ADISSP: variants seen among roughly 807,000 people sequenced by gnomAD.
ADISSP encodes the protein adipose secreted signaling protein, also known as adipose-secreted signaling protein.
chr20:3,767,860 A>G, the ADISSP span: 1 of 152,194 alleles, frequency 6.6e-6, no homozygotes, highest in East Asian at 1.9e-4. Context: ...GCGGGCTCCA[A>G]AGAACGGCCA....
chr20:3,758,897 G>A, the ADISSP span, among the ~76,000 whole-genome samples: 28 of 152,180 alleles, frequency 1.8e-4, no homozygotes, highest in East Asian at 3.9e-4. The surrounding 1 kb of genome is among the most constrained non-coding windows in gnomAD (Gnocchi z 5.5). Flanking sequence ...GAGAGTGAGC[G>A]TGGGGGGACT....
chr20:3,761,724 T>G, the ADISSP span, among the ~76,000 whole-genome samples: 1 of 152,214 alleles, frequency 6.6e-6, no homozygotes, highest in Non-Finnish European at 1.5e-5. Context: ...CTCTCTACTC[T>G]CTGCAGGACA....
the ADISSP span, among the ~76,000 whole-genome samples, chr20:3,762,611 C>T: frequency 1.1e-4 from 17 of 152,230 alleles, no homozygotes; most frequent in Non-Finnish European, 1.8e-4. Flanking sequence ...CTCAGCCTCC[C>T]AAAGTGCTGG....
chr20:3,762,530 C>T, the ADISSP span, among the ~76,000 whole-genome samples: 42 of 152,242 alleles, frequency 2.8e-4, no homozygotes, highest in Middle Eastern at 6.8e-3. Flanking sequence ...ACCACCATGC[C>T]CGGCTAATTT....
At chr20:3,755,208 C>G in the ADISSP span, among the ~76,000 whole-genome samples, 1 of 152,194 alleles carries the variant, frequency 6.6e-6, no homozygotes, top group African/African-American at 2.4e-5. Flanking sequence ...TCCTCAGCAG[C>G]TCCCATCTTG....
chr20:3,762,337 AACT>A, the ADISSP span, among the ~76,000 whole-genome samples: 1 of 152,152 alleles, frequency 6.6e-6, no homozygotes, highest in South Asian at 2.1e-4. Context: ...GAAAGCAGCA[AACT>A]ACAGCTGATT....
At chr20:3,762,703 C>T in the ADISSP span, among the ~76,000 whole-genome samples, 1 of 152,198 alleles carries the variant, frequency 6.6e-6, no homozygotes, top group Non-Finnish European at 1.5e-5. Flanking sequence ...ACTTCATTCA[C>T]TTACATGTTG....
chr20:3,754,267 T>C, the ADISSP span: 1 of 1,473,360 alleles, frequency 6.8e-7, no homozygotes, highest in Non-Finnish European at 9.4e-7. Flanking sequence ...GGTAGGGACC[T>C]GCCAAGGAGG....
the ADISSP span, chr20:3,754,431 G>C: frequency 6.2e-7 from 1 of 1,613,942 alleles, no homozygotes; most frequent in African/African-American, 1.3e-5. Context: ...CGCGCACACA[G>C]GTGCCAGTGC....
At chr20:3,755,658 C>T in the ADISSP span, 1 of 1,532,356 alleles carries the variant, frequency 6.5e-7, no homozygotes, top group East Asian at 2.3e-5. Context: ...CTGCTTCCCG[C>T]AGGCCCACCC....
chr20:3,768,045 C>G, the ADISSP span: 12 of 152,580 alleles, frequency 7.9e-5, no homozygotes, highest in Non-Finnish European at 1.5e-4. Context: ...CCCGCCCCCG[C>G]TCCTTCTTCC....
the ADISSP span, among the ~76,000 whole-genome samples, chr20:3,766,506 C>T: frequency 1.3e-5 from 2 of 152,226 alleles, no homozygotes; most frequent in African/African-American, 2.4e-5. Flanking sequence ...CTTCCTGCCT[C>T]CCCAACAAGT....
At chr20:3,754,527 G>A in the ADISSP span, 5 of 1,610,272 alleles carry the variant, frequency 3.1e-6, no homozygotes, top group African/African-American at 2.7e-5. Context: ...AACCTGCCCG[G>A]GGACAGGGGC....
chr20:3,757,699 G>A, the ADISSP span, among the ~76,000 whole-genome samples: 1 of 152,132 alleles, frequency 6.6e-6, no homozygotes, highest in African/African-American at 2.4e-5. Context: ...CACAATCTCA[G>A]CTCACTGCAA....
chr20:3,759,734 C>T, the ADISSP span, among the ~76,000 whole-genome samples: 2 of 152,128 alleles, frequency 1.3e-5, no homozygotes, highest in Non-Finnish European at 2.9e-5. The surrounding 1 kb of genome is among the most constrained non-coding windows in gnomAD (Gnocchi z 4.6). Flanking sequence ...CTCCCTTCCA[C>T]AGCCTGCTGT....
the ADISSP span, chr20:3,760,087 T>A: frequency 4.3e-6 from 7 of 1,612,678 alleles, no homozygotes; most frequent in Non-Finnish European, 5.9e-6. Context: ...CTTACCCTTG[T>A]TGGCTGCAGC....
At chr20:3,758,476 C>T in the ADISSP span, 1 of 1,554,188 alleles carries the variant, frequency 6.4e-7, no homozygotes, top group South Asian at 1.1e-5. This position sits in a 1 kb window ranked among gnomAD's most constrained non-coding sequence, Gnocchi z 5.5. Flanking sequence ...GATAGGCACC[C>T]AGAAGCCAGG....
chr20:3,762,896 T>C, the ADISSP span, among the ~76,000 whole-genome samples: 1 of 150,216 alleles, frequency 6.7e-6, no homozygotes, highest in Non-Finnish European at 1.5e-5. Flanking sequence ...ACCTGTTTTT[T>C]TCACCACATC....
At chr20:3,766,414 T>C in the ADISSP span, among the ~76,000 whole-genome samples, 2 of 146,246 alleles carry the variant, frequency 1.4e-5, no homozygotes, top group South Asian at 4.3e-4. Context: ...AAGATAAGTA[T>C]GGCTGTTCTC....
Sources: allele counts gnomAD v4.1 joint callset (sites outside exome capture counted in the v4.1 genomes callset), GRCh38; gene constraint gnomAD v4.1.1; non-coding constraint Gnocchi (gnomAD v3.1); transcripts MANE v1.5; gene names NCBI Gene and HGNC (gene_info 2026-07-23, HGNC 2026-07-21).